KMT2D: variants seen among roughly 807,000 people sequenced by gnomAD.
The protein encoded by KMT2D is lysine methyltransferase 2D.
KMT2D carries 55 observed loss-of-function variants against 512.7 expected under a neutral mutation model. That is an observed-to-expected ratio of 0.11 (90% CI 0.09 to 0.13). The LOEUF is 0.13. Among genes scored for constraint, KMT2D ranks in the 10% least tolerant of loss-of-function variants. KMT2D has a pLI of 1.00. For synonymous variants in KMT2D, 2,995 were observed against 2,904.0 expected, an observed-to-expected ratio of 1.03 and a Z score of -1.01; for missense variants, 6,061 against 7,127.9, an observed-to-expected ratio of 0.85 and a Z score of 5.39.
rs833818 is a variant in KMT2D at position 49,045,876 on chromosome 12, C to T, written c.4741+44G>A. 1 allele frequency: 1,443,098 copies of T among 1,449,698 alleles called. 718,479 individuals are homozygous for T. The highest frequency in any genetic ancestry group is 1 in the East Asian group (44,120 of 44,120). The allele number at this position is 1,449,698 out of a possible 1,614,324, so 89.8% of individuals were successfully genotyped here. A position where few individuals can be genotyped will look rare whatever the true frequency, so the allele number is the denominator to read the frequency against. ...GGTTGGAGCTAGACTAGATGATGTCCGACGTCTGGTCTGGCTTTGGCATTC... is the reference window on the plus strand; with the variant it reads ...GGTTGGAGCTAGACTAGATGATGTCTGACGTCTGGTCTGGCTTTGGCATTC... On this transcript the variant is annotated intron_variant, in intron 19 of 54. Transcript: ENST00000301067.
chr12:49,030,710 G>A lies in KMT2D; in HGVS notation c.13730C>T (p.Ala4577Val), dbSNP rs1210861185. The A allele has an allele frequency of 6.2e-7, 1 of 1,613,728 alleles. No homozygotes were observed. Among genetic ancestry groups the A allele is most frequent in the Non-Finnish European group, 8.5e-7 (1 of 1,179,892 alleles). ...PAITANFSLF[A>V]PFGSGCPVNG... ...GACTGGGCAGCCACTGCCAAAGGGG[G>A]CAAAGAGGCTAAAATTGGCGGTGAT... Residue 4577 changes from alanine (A) to valine (V), a missense_variant, in exon 42 of 55, where the codon GCC (alanine) becomes GTC (valine). Physicochemically the swap from Ala to Val is moderately conservative, Grantham distance 64. Transcript: ENST00000301067.
rs763518333 is a variant in KMT2D, at chr12:49,031,890, C to T, written c.12815G>A (p.Gly4272Asp). 8.5e-6 allele frequency: 13 copies of T among 1,532,900 alleles called. No homozygotes were observed. The East Asian group carries it at 9.0e-5, about 11-fold the overall frequency. 95.0% of individuals were successfully genotyped at this position (1,532,900 alleles called of 1,614,324 possible). The change falls in exon 40 of 55, where the codon GGC becomes GAC. Residue 4272 changes from glycine to aspartate, a missense_variant. Physicochemically the swap from Gly to Asp is moderately conservative, Grantham distance 94 (BLOSUM62 -1). This residue lies in a region of KMT2D where 1,600 missense variants were observed against 1,754.9 expected (regional missense o/e 0.91). Coordinates refer to ENST00000301067, the MANE Select transcript of KMT2D (RefSeq NM_003482.4). Reference protein sequence around the residue: ...QLGGFPGPQTGPLQELGAGPR... With the variant: ...QLGGFPGPQTDPLQELGAGPR... The stretch of plus-strand genomic sequence containing the variant: ...CCCTGCCCCTAGCTCCTGGAGGGGG[C>T]CTGTCTGTGGTCCAGGGAAGCCCCC...
Position 49,039,358 on chromosome 12 carries a change from C to T in KMT2D, c.8230G>A (p.Asp2744Asn), listed in dbSNP as rs1199125304. The T allele has an allele frequency of 6.2e-7, 1 of 1,611,850 alleles. No individual in the cohort carries two copies. Among genetic ancestry groups the T allele is most frequent in the East Asian group, 2.2e-5 (1 of 44,886 alleles). The change falls in exon 34 of 55, where the codon GAC becomes AAC. Residue 2744 changes from aspartate (D) to asparagine (N), a missense_variant and splice_region_variant. Coordinates refer to ENST00000301067, the MANE Select transcript of KMT2D (RefSeq NM_003482.4). The surrounding 1 kb of genome is among the most constrained non-coding windows in gnomAD (Gnocchi z 5.0). ...GGCAACCCCACAAGGCTGCTCTTGTCCTAGAAGAGACAAGGTAGATGAAGG... is the reference window on the plus strand; with the variant it reads ...GGCAACCCCACAAGGCTGCTCTTGTTCTAGAAGAGACAAGGTAGATGAAGG... ...RGQTPFAGTQ[D>N]KSSLVGLPPS...
At chr12:49,043,834 A>T (rs1459455769) in intron 23 of KMT2D, 34 bp downstream of exon 23, 1 of 1,613,944 alleles carries the variant, frequency 6.2e-7, no homozygotes, top group Non-Finnish European at 8.5e-7. Context: ...CAGGGCACAG[A>T]CACCTCCCTC....
chr12:49,053,017 G>A lies in KMT2D; in HGVS notation c.1010C>T (p.Ser337Leu), dbSNP rs200245957. 6.0e-5 allele frequency: 97 copies of A among 1,613,916 alleles called. No homozygotes were observed. The African/African-American group carries it at 7.7e-4, about 13-fold the overall frequency. Residue 337 changes from serine (S) to leucine (L), a missense_variant, in exon 9 of 55, where the codon TCG becomes TTG. Physicochemically the swap from Ser to Leu is moderately radical, Grantham distance 145. Transcript: ENST00000301067. The stretch of plus-strand genomic sequence containing the variant: ...GAGAGAGTAGTTCTCAAACCACTCC[G>A]AGTTGGGATTCAGTTCTGCTGAGCC... ...GAGSAELNPNSEWFENYSLCH... is the reference protein window; with the variant it reads ...GAGSAELNPNLEWFENYSLCH...
chr12:49,030,036 T>C (rs536416693), intron 43 of KMT2D, among the ~76,000 whole-genome samples: 9 of 152,274 alleles, frequency 5.9e-5, no homozygotes, highest in East Asian at 1.9e-4. Flanking sequence ...GTTCCTTCTA[T>C]ACAAAGCTTC....
chr12:49,042,234 G>T lies in KMT2D; in HGVS notation c.5964C>A (p.Thr1988=). 6.3e-7 allele frequency: 1 copy of T among 1,593,332 alleles called. No homozygotes were observed. Reference sequence around the variant, plus strand: ...AGAGTCCGTCGCCCTCACCCTCCGTGGTGGGGGTTGTGGGGGTGGAGGGCG... The same window carrying T: ...AGAGTCCGTCGCCCTCACCCTCCGTTGTGGGGGTTGTGGGGGTGGAGGGCG... ...GTTPSTPTTP[T]TEGEGDGLSY... Residue 1988 remains threonine, a synonymous_variant, in exon 29 of 55, where the codon ACC becomes ACA. Coordinates refer to ENST00000301067, the MANE Select transcript of KMT2D (RefSeq NM_003482.4). The surrounding 1 kb of genome is among the most constrained non-coding windows in gnomAD (Gnocchi z 4.4).
At chr12:49,053,683 T>C in intron 6 of KMT2D, 42 bp from the exon 7 acceptor site, 2 of 1,556,406 alleles carry the variant, frequency 1.3e-6, no homozygotes, top group East Asian at 2.4e-5. Flanking sequence ...ATGGATTCCT[T>C]GTAAGCCTCA....
At position 49,033,712 on chromosome 12, in the gene KMT2D, G is replaced by A. The variant is rs112170602; in HGVS notation, c.10993C>T (p.Pro3665Ser). 4 of 1,613,554 alleles carry A rather than the reference G, an allele frequency of 2.5e-6. No homozygotes were observed. The highest frequency in any genetic ancestry group is 3.4e-6 in the Non-Finnish European group (4 of 1,179,878). The change falls in exon 40 of 55, where the codon CCT becomes TCT. Residue 3665 changes from proline to serine, a missense_variant. Around this residue, in one of 16 missense-constraint regions of KMT2D, gnomAD observed 1,600 missense variants for 1,754.9 expected, o/e 0.91. Coordinates refer to ENST00000301067, the MANE Select transcript of KMT2D (RefSeq NM_003482.4). ...AGGAAGGGGCCACCAGGCTGTCCAG[G>A]TAGTGCCATACCCCCAGGGGTCAGG... ...LRLTPGGMAL[P>S]GQPGGPFLNT...
intron 1 of KMT2D, among the ~76,000 whole-genome samples, chr12:49,058,787 G>A (rs981538157): frequency 6.6e-6 from 1 of 152,204 alleles, no homozygotes; most frequent in South Asian, 2.1e-4. Context: ...CTCATGGGCA[G>A]CCAGCTCTCC....
rs1269118336 is a variant in KMT2D, at chr12:49,059,506, TG to T, written c.-38+106del. ...CTGCCAAAGGAACGCTCCCCAGCTC[TG>T]GCACCCCCTTCTCCAACCTAAAGGC... On this transcript the variant is annotated intron_variant, in intron 1 of 54. Coordinates refer to ENST00000301067, the MANE Select transcript of KMT2D (RefSeq NM_003482.4). The T allele has an allele frequency of 2.0e-5, 3 of 152,704 alleles. No individual in the cohort carries two copies. In the East Asian group the frequency reaches 5.8e-4, roughly 29 times the overall value. 9.5% of individuals were successfully genotyped at this position (152,704 alleles called of 1,614,324 possible).
In KMT2D at chr12:49,032,244, C is replaced by T. The variant is rs775284012; in HGVS notation, c.12461G>A (p.Gly4154Asp). The change falls in exon 40 of 55, where the codon GGC becomes GAC. Residue 4154 changes from glycine to aspartate, a missense_variant. Gly to Asp is a moderately conservative substitution (Grantham distance 94, BLOSUM62 -1). Transcript: ENST00000301067. ...QPGSMTQNLL[G>D]PQQPMLERPM... is the part of the protein sequence containing the mutation. ...CCGCTCTAGCATGGGCTGTTGGGGG[C>T]CCAGAAGGTTCTGGGTCATGGACCC... 9.3e-6 allele frequency: 15 copies of T among 1,613,684 alleles called. No individual in the cohort carries two copies. The highest frequency in any genetic ancestry group is 1.3e-5 in the Non-Finnish European group (15 of 1,179,808).
In KMT2D at chr12:49,051,924, C is replaced by G. The variant is rs199980307; in HGVS notation, c.1759G>C (p.Glu587Gln). The change falls in exon 11 of 55, where the codon GAG becomes CAG. Residue 587 changes from glutamate to glutamine, a missense_variant. Around this residue, in one of 16 missense-constraint regions of KMT2D, gnomAD observed 848 missense variants for 838.5 expected, o/e 1.01. Coordinates refer to ENST00000301067, the MANE Select transcript of KMT2D (RefSeq NM_003482.4). ...EESPMSPPPE[E>Q]SPMSPPPEAS... ...TCCGGTGGTGGAGACATGGGTGACT[C>G]TTCAGGTGGAGGGGACATGGGTGAC... is the stretch of plus-strand genomic sequence containing the variant. The G allele has an allele frequency of 2.1e-5, 34 of 1,613,268 alleles. No individual in the cohort carries two copies. The highest frequency in any genetic ancestry group is 3.3e-4 in the Middle Eastern group (2 of 6,058).
At position 49,033,610 on chromosome 12, in the gene KMT2D, A is replaced by C. The variant is rs753663812; in HGVS notation, c.11095T>G (p.Phe3699Val). The C allele has an allele frequency of 3.1e-6, 5 of 1,613,486 alleles. No individual in the cohort carries two copies. In the Admixed American group the frequency reaches 8.3e-5, roughly 27 times the overall value. The change falls in exon 40 of 55, where the codon TTC becomes GTC. Residue 3699 changes from phenylalanine to valine, a missense_variant. Transcript: ENST00000301067. ...CGAAGAGCAAGGTTGCCAGGGAAGAAGCCCCCTGAAGGGCCAGCCAGGGAT... is the reference window on the plus strand; with the variant it reads ...CGAAGAGCAAGGTTGCCAGGGAAGACGCCCCCTGAAGGGCCAGCCAGGGAT... ...AGSLAGPSGG[F>V]FPGNLALRSL...
In KMT2D at chr12:49,038,942, G is replaced by A. The variant is rs1327570653; in HGVS notation, c.8414C>T (p.Pro2805Leu). 1.3e-6 allele frequency: 2 copies of A among 1,551,782 alleles called. No individual in the cohort carries two copies. The highest frequency in any genetic ancestry group is 2.4e-5 in the South Asian group (2 of 84,086). Residue 2805 changes from proline (P) to leucine (L), a missense_variant, in exon 35 of 55, where the codon CCT becomes CTT. By Grantham distance (98) the Pro-to-Leu change is moderately conservative (BLOSUM62 -3). Transcript: ENST00000301067. The surrounding 1 kb of genome is among the most constrained non-coding windows in gnomAD (Gnocchi z 5.7). ...TTGCTGCTGTAAGGGCAGGGACCCA[G>A]GATAGGGTGCTCGCTGATAGAAAGC... The part of the protein sequence containing the change: ...SQAFYQRAPY[P>L]GSLPLQQQQQ...
Position 49,053,009 on chromosome 12 carries a change from A to G in KMT2D, c.1018T>C (p.Phe340Leu), listed in dbSNP as rs1488388667. ...SAELNPNSEW[F>L]ENYSLCHRCH... is the part of the protein sequence containing the mutation. ...CGGTGACAGAGAGAGTAGTTCTCAAACCACTCCGAGTTGGGATTCAGTTCT... is the reference window on the plus strand; with the variant it reads ...CGGTGACAGAGAGAGTAGTTCTCAAGCCACTCCGAGTTGGGATTCAGTTCT... Residue 340 changes from phenylalanine (F) to leucine (L), a missense_variant, in exon 9 of 55, where the codon TTT becomes CTT. Around this residue, in one of 16 missense-constraint regions of KMT2D, gnomAD observed 848 missense variants for 838.5 expected, o/e 1.01. Transcript: ENST00000301067. The G allele has an allele frequency of 1.2e-6, 2 of 1,614,010 alleles. No individual in the cohort carries two copies. Among genetic ancestry groups the G allele is most frequent in the African/African-American group, 2.7e-5 (2 of 75,058 alleles).
Position 49,020,936 on chromosome 12 carries a change from T to C in KMT2D, c.*844A>G, listed in dbSNP as rs188479434. 76 of 195,030 alleles carry C rather than the reference T, an allele frequency of 3.9e-4. No individual in the cohort carries two copies. The highest frequency in any genetic ancestry group is 1.8e-3 in the African/African-American group (76 of 43,214). 12.1% of individuals were successfully genotyped at this position (195,030 alleles called of 1,614,324 possible). A position where few individuals can be genotyped will look rare whatever the true frequency, so the allele number is the denominator to read the frequency against. On this transcript the variant is annotated 3_prime_UTR_variant, in exon 55 of 55. Transcript: ENST00000301067. ...TGCCTCAACCACCATCCCATGCCCA[T>C]AATTAAAAACAAAGATGGATTTTTT...
rs1344179173 is a variant in KMT2D at position 49,040,379 on chromosome 12, G to A, written c.7391C>T (p.Ala2464Val). 10 of 1,565,946 alleles carry A rather than the reference G, an allele frequency of 6.4e-6. No homozygotes were observed. The highest frequency in any genetic ancestry group is 7.8e-6 in the Non-Finnish European group (9 of 1,155,400). Residue 2464 changes from alanine (A) to valine (V), a missense_variant, in exon 32 of 55, where the codon GCC (alanine) becomes GTC (valine). Coordinates refer to ENST00000301067, the MANE Select transcript of KMT2D (RefSeq NM_003482.4). ...PSRPQSRDPF[A>V]PLHKPPRPQP... Reference sequence around the variant, plus strand: ...GGGTCGGGGTGGCTTATGCAATGGGGCAAATGGGTCACGGGACTGAGGGCG... The same window carrying A: ...GGGTCGGGGTGGCTTATGCAATGGGACAAATGGGTCACGGGACTGAGGGCG...
Position 49,024,203 on chromosome 12 carries a change from G to A in KMT2D, c.16052+375C>T, listed in dbSNP as rs1942460952. 6 of 440,360 alleles carry A rather than the reference G, an allele frequency of 1.4e-5. No homozygotes were observed. Among genetic ancestry groups the A allele is most frequent in the South Asian group, 1.1e-4 (6 of 54,460 alleles). 27.3% of individuals were successfully genotyped at this position (440,360 alleles called of 1,614,324 possible). ...TTTGACACCAACACTCATGGGGAAG[G>A]GAAGGTGACCCTAGCACCCATGGGG... On this transcript the variant is annotated intron_variant, in intron 51 of 54. Transcript: ENST00000301067. The surrounding 1 kb of genome is among the most constrained non-coding windows in gnomAD (Gnocchi z 4.5).
Sources: gnomAD v4.1 joint callset for allele counts (sites outside exome capture counted in the v4.1 genomes callset) on GRCh38, gnomAD v4.1.1 for gene constraint, gnomAD v4.1.1 regional missense constraint, Gnocchi (gnomAD v3.1) non-coding constraint, MANE v1.5 for transcripts, NCBI Gene and HGNC (gene_info 2026-07-23, HGNC 2026-07-21) for gene names.